The following FAM53B variants were observed in gnomAD, a reference collection of about 807,000 sequenced individuals.
FAM53B encodes family with sequence similarity 53 member B.
In FAM53B, 12 loss-of-function variants were observed where a neutral mutation model predicts 32.7. The observed-to-expected ratio is 0.37, with a 90% CI of 0.24 to 0.59. The LOEUF (loss-of-function observed/expected upper bound fraction) is 0.59, where lower values mean the gene tolerates loss of function less well. Among genes scored for constraint, FAM53B ranks in the 20% least tolerant of loss-of-function variants. The pLI is 0.72. For synonymous variants in FAM53B, 234 were observed against 228.7 expected (o/e 1.02, Z -0.21); for missense variants, 477 against 577.7 (o/e 0.83, Z 1.79).
chr10:124,692,088 C>T (rs1238495480), intron 3 of FAM53B, among the ~76,000 whole-genome samples: 1 of 152,178 alleles, frequency 6.6e-6, no homozygotes, highest in Non-Finnish European at 1.5e-5. Context: ...AGAAGGTGGA[C>T]TGGGGATGCT....
chr10:124,696,224 C>A lies in FAM53B; in HGVS notation c.79-12G>T, dbSNP rs1486292008. 1 of 1,613,096 alleles carries A rather than the reference C, an allele frequency of 6.2e-7. No homozygotes were observed. Among genetic ancestry groups the A allele is most frequent in the Admixed American group, 1.7e-5 (1 of 60,030 alleles). ...TTCTTTGGCGTGTGCTGAAAACAAC[C>A]AGAAAAGCTATTCACTCTTCAAATC... On this transcript the variant is annotated splice_polypyrimidine_tract_variant and intron_variant, in intron 2 of 4. Transcript: ENST00000337318.
chr10:124,723,884 T>C (rs1447862501), intron 1 of FAM53B, among the ~76,000 whole-genome samples: 1 of 152,218 alleles, frequency 6.6e-6, no homozygotes, highest in East Asian at 1.9e-4. Context: ...AAAAAGTATT[T>C]CTAGGTGACT....
chr10:124,624,774 G>A (rs143331602), intron 4 of FAM53B, among the ~76,000 whole-genome samples: 1 of 139,254 alleles, frequency 7.2e-6, no homozygotes, highest in African/African-American at 2.5e-5. Context: ...CCTGCTCCCA[G>A]GGCAGAGCAC....
chr10:124,729,061 A>G (rs1485077626), intron 1 of FAM53B, among the ~76,000 whole-genome samples: 1 of 152,236 alleles, frequency 6.6e-6, no homozygotes, highest in Admixed American at 6.5e-5. Context: ...CGATGAGAGA[A>G]CATATGCAGA....
chr10:124,738,226 T>C (rs2134105954), intron 1 of FAM53B, among the ~76,000 whole-genome samples: 1 of 152,166 alleles, frequency 6.6e-6, no homozygotes, highest in South Asian at 2.1e-4. Context: ...ATGGGGTCTA[T>C]TACAGCCCTC....
intron 1 of FAM53B, among the ~76,000 whole-genome samples, chr10:124,710,391 C>A (rs1438346975): frequency 6.6e-6 from 1 of 152,232 alleles, no homozygotes; most frequent in Non-Finnish European, 1.5e-5. Context: ...GTGAAATGAT[C>A]TGGGCACGTT....
intron 2 of FAM53B, chr10:124,705,556 G>A (rs1346588885): frequency 6.6e-6 from 1 of 152,296 alleles, no homozygotes; most frequent in Non-Finnish European, 1.5e-5. Context: ...ATCCTCAAGT[G>A]TCACTGTATT....
chr10:124,733,096 AT>A lies in FAM53B; in HGVS notation c.-175+10916del, dbSNP rs1950154547. ...ATGAACAGAGAGGTTTACTGTTAAA[AT>A]CAAAACCATCTGTGGCTAACTTACT... On this transcript the variant is annotated intron_variant, in intron 1 of 4. Transcript: ENST00000337318. This position sits in a 1 kb window ranked among gnomAD's most constrained non-coding sequence, Gnocchi z 4.3. 6.6e-6 allele frequency among the ~76,000 whole-genome samples: 1 copy of A among 152,234 alleles called. No homozygotes were observed. Among genetic ancestry groups the A allele is most frequent in the African/African-American group, 2.4e-5 (1 of 41,460 alleles).
intron 1 of FAM53B, among the ~76,000 whole-genome samples, chr10:124,736,534 G>C (rs750253785): frequency 5.9e-5 from 9 of 152,278 alleles, no homozygotes; most frequent in Non-Finnish European, 1.2e-4. Flanking sequence ...CCAGCCAGCG[G>C]ACAGAACCTC....
At chr10:124,740,918 T>C (rs1950195867) in intron 1 of FAM53B, among the ~76,000 whole-genome samples, 2 of 152,170 alleles carry the variant, frequency 1.3e-5, no homozygotes, top group South Asian at 2.1e-4. Flanking sequence ...CCATGTGCTT[T>C]GTGTTGGCAA....
chr10:124,625,398 C>A (rs1165955565), intron 4 of FAM53B, among the ~76,000 whole-genome samples: 1 of 152,134 alleles, frequency 6.6e-6, no homozygotes, highest in East Asian at 1.9e-4. Flanking sequence ...GAGATGCTGG[C>A]CCCCCAAGGA....
chr10:124,642,781 A>G (rs1408948593), intron 4 of FAM53B, among the ~76,000 whole-genome samples: 2 of 152,248 alleles, frequency 1.3e-5, no homozygotes, highest in Non-Finnish European at 2.9e-5. Context: ...AATTGTCCCC[A>G]TAACTGTTCC....
rs369290854 is a variant in FAM53B, at chr10:124,666,540, G to A, written c.906+15067C>T. 5.3e-5 allele frequency among the ~76,000 whole-genome samples: 8 copies of A among 152,298 alleles called. No homozygotes were observed. The East Asian group carries it at 5.8e-4, about 11-fold the overall frequency. On this transcript the variant is annotated intron_variant, in intron 4 of 4. Coordinates refer to ENST00000337318, the MANE Select transcript of FAM53B (RefSeq NM_014661.4). ...AGTCATGAAATGCAGGACCACAACC[G>A]TGGAAAAATGGCCCAGGGCCTGTCA...
chr10:124,729,729 A>G (rs1284273778), intron 1 of FAM53B, among the ~76,000 whole-genome samples: 1 of 152,210 alleles, frequency 6.6e-6, no homozygotes, highest in African/African-American at 2.4e-5. Flanking sequence ...CAGAGACTCC[A>G]ATGTAGACAG....
chr10:124,648,058 G>A (rs1047878505), intron 4 of FAM53B, among the ~76,000 whole-genome samples: 3 of 152,110 alleles, frequency 2.0e-5, no homozygotes, highest in African/African-American at 4.8e-5. Flanking sequence ...CCAGACTTCT[G>A]CATTCTTGGT....
chr10:124,680,285 G>C (rs1949761291), intron 4 of FAM53B, among the ~76,000 whole-genome samples: 1 of 152,202 alleles, frequency 6.6e-6, no homozygotes. Context: ...TGACACAGGG[G>C]AGGCACAAGC....
At chr10:124,628,701 G>A (rs1273991845) in intron 4 of FAM53B, among the ~76,000 whole-genome samples, 1 of 152,194 alleles carries the variant, frequency 6.6e-6, no homozygotes, top group Non-Finnish European at 1.5e-5. Flanking sequence ...GCCCCTTCCG[G>A]AACTACTCTG....
chr10:124,662,172 G>C (rs1309164856), intron 4 of FAM53B, among the ~76,000 whole-genome samples: 1 of 152,238 alleles, frequency 6.6e-6, no homozygotes, highest in Non-Finnish European at 1.5e-5. Flanking sequence ...GCCACAGCTG[G>C]TCCTGTGACC....
At chr10:124,669,763 G>A (rs1047189344) in intron 4 of FAM53B, among the ~76,000 whole-genome samples, 8 of 152,178 alleles carry the variant, frequency 5.3e-5, no homozygotes, top group African/African-American at 1.9e-4. Flanking sequence ...AAGAGTGAGT[G>A]GATCCCACTC....
Sources: allele counts gnomAD v4.1 joint callset (sites outside exome capture counted in the v4.1 genomes callset), GRCh38; gene constraint gnomAD v4.1.1; non-coding constraint Gnocchi (gnomAD v3.1); transcripts MANE v1.5; gene names NCBI Gene and HGNC (gene_info 2026-07-23, HGNC 2026-07-21).